HIVEP1: variants seen among roughly 807,000 people sequenced by gnomAD.
The protein encoded by HIVEP1 is HIVEP zinc finger 1.
A neutral mutation model predicts 180.0 loss-of-function variants in HIVEP1; 36 were observed. The observed-to-expected ratio is 0.20, with a 90% CI of 0.15 to 0.26. HIVEP1 has a LOEUF of 0.26. Among genes scored for constraint, HIVEP1 ranks in the 10% least tolerant of loss-of-function variants. The pLI is 1.00. For synonymous variants in HIVEP1, 1,239 were observed against 1,239.0 expected (o/e 1.00, Z 0.00); for missense variants, 3,143 against 3,268.7 (o/e 0.96, Z 0.94).
At chr6:12,170,627 G>A in the HIVEP1 span, among the ~76,000 whole-genome samples, 2 of 152,094 alleles carry the variant, frequency 1.3e-5, no homozygotes, top group Admixed American at 6.6e-5. Context: ...TGAGACCAAG[G>A]GAATAAACCA....
intron 2 of HIVEP1, chr6:12,037,873 G>T (rs987922757): frequency 2.5e-6 from 1 of 403,058 alleles, no homozygotes; most frequent in Middle Eastern, 3.2e-4. Flanking sequence ...AGTGTGCCTA[G>T]CTACTTTTTT....
At chr6:12,016,954 A>G (rs1414804897) in intron 2 of HIVEP1, among the ~76,000 whole-genome samples, 1 of 152,208 alleles carries the variant, frequency 6.6e-6, no homozygotes, top group Non-Finnish European at 1.5e-5. Flanking sequence ...TCTAGTTTGC[A>G]CAAGTGCAGC....
At chr6:12,019,112 A>C (rs1345519530) in intron 2 of HIVEP1, among the ~76,000 whole-genome samples, 1 of 152,216 alleles carries the variant, frequency 6.6e-6, no homozygotes, top group East Asian at 1.9e-4. Flanking sequence ...TAGTAAGCAC[A>C]CTAAAGCCAC....
At chr6:12,071,459 C>A (rs1263467895) in intron 2 of HIVEP1, among the ~76,000 whole-genome samples, 3 of 152,214 alleles carry the variant, frequency 2.0e-5, no homozygotes, top group African/African-American at 7.2e-5. Context: ...TATTGTCTTC[C>A]TTTTCCTATT....
intron 3 of HIVEP1, among the ~76,000 whole-genome samples, chr6:12,114,911 C>T (rs1482511283): frequency 2.6e-5 from 4 of 152,168 alleles, no homozygotes; most frequent in African/African-American, 4.8e-5. Flanking sequence ...ACCTTCTGGC[C>T]GAGCATGATC....
chr6:12,155,940 G>A (rs1760011939), intron 7 of HIVEP1, among the ~76,000 whole-genome samples: 2 of 152,130 alleles, frequency 1.3e-5, no homozygotes, highest in South Asian at 4.1e-4. Context: ...TTTAATAATA[G>A]CCGTTCTGAC....
intron 2 of HIVEP1, among the ~76,000 whole-genome samples, chr6:12,032,388 C>A (rs185384602): frequency 6.6e-6 from 1 of 152,150 alleles, no homozygotes; most frequent in East Asian, 1.9e-4. Context: ...GTGATCCGCC[C>A]GCCTCAGCCT....
chr6:12,172,284 A>G, the HIVEP1 span, among the ~76,000 whole-genome samples: 4 of 151,526 alleles, frequency 2.6e-5, no homozygotes. Context: ...GGTTTATTTC[A>G]GCACACTGAA....
intron 3 of HIVEP1, among the ~76,000 whole-genome samples, chr6:12,118,377 C>T (rs905433179): frequency 3.9e-5 from 6 of 152,232 alleles, no homozygotes; most frequent in Middle Eastern, 3.4e-3. Flanking sequence ...AAGTAGTTGG[C>T]TTTCTACAAA....
intron 7 of HIVEP1, among the ~76,000 whole-genome samples, chr6:12,148,794 T>C (rs965362506): frequency 6.6e-6 from 1 of 152,198 alleles, no homozygotes; most frequent in Non-Finnish European, 1.5e-5. Context: ...CCTTTCATTA[T>C]GTCTTCACAC....
At chr6:12,210,757 T>C in the HIVEP1 span, among the ~76,000 whole-genome samples, 2 of 152,124 alleles carry the variant, frequency 1.3e-5, no homozygotes, top group East Asian at 3.8e-4. Flanking sequence ...GAAACCTCAT[T>C]ATAGATTCAG....
chr6:12,026,180 C>A (rs1768575378), intron 2 of HIVEP1, among the ~76,000 whole-genome samples: 1 of 152,076 alleles, frequency 6.6e-6, no homozygotes, highest in Admixed American at 6.6e-5. Flanking sequence ...CATTGTGTCT[C>A]CAAACACAGG....
chr6:12,115,954 C>G (rs947671258), intron 3 of HIVEP1, among the ~76,000 whole-genome samples: 1 of 151,478 alleles, frequency 6.6e-6, no homozygotes, highest in Non-Finnish European at 1.5e-5. Flanking sequence ...TTTGTGTCCT[C>G]TAATGTATTT....
chr6:12,111,461 C>A (rs947304433), intron 3 of HIVEP1, among the ~76,000 whole-genome samples: 3 of 152,250 alleles, frequency 2.0e-5, no homozygotes, highest in Non-Finnish European at 4.4e-5. Context: ...ATGATGATGT[C>A]AGCAGGTCTG....
At chr6:12,174,561 ATGTTTTGTTTGTTT>A in the HIVEP1 span, among the ~76,000 whole-genome samples, 1 of 152,090 alleles carries the variant, frequency 6.6e-6, no homozygotes, top group Non-Finnish European at 1.5e-5. Flanking sequence ...TCCTGGAAAA[ATGTTTTGTTTGTTT>A]TGTTTTGTAA....
intron 2 of HIVEP1, among the ~76,000 whole-genome samples, chr6:12,085,004 A>C (rs1445387719): frequency 6.6e-6 from 1 of 152,150 alleles, no homozygotes; most frequent in Admixed American, 6.5e-5. Flanking sequence ...TTCTTAAGTG[A>C]AACCACGCAG....
downstream of HIVEP1, among the ~76,000 whole-genome samples, chr6:12,168,376 GTATATATGTA>G (rs1760815687): frequency 8.4e-6 from 1 of 119,546 alleles, no homozygotes; most frequent in African/African-American, 3.0e-5. Flanking sequence ...ACATATACAT[GTATATATGTA>G]TATATATAAT....
At chr6:12,088,412 T>C (rs1773240362) in intron 2 of HIVEP1, among the ~76,000 whole-genome samples, 1 of 152,138 alleles carries the variant, frequency 6.6e-6, no homozygotes, top group Non-Finnish European at 1.5e-5. Context: ...AATCGATTAC[T>C]GCCCATGTCA....
Position 12,123,865 on chromosome 6 carries a change from C to T in HIVEP1, c.4070C>T (p.Pro1357Leu). The T allele has an allele frequency of 6.2e-7, 1 of 1,614,128 alleles. No individual in the cohort carries two copies. The highest frequency in any genetic ancestry group is 8.5e-7 in the Non-Finnish European group (1 of 1,179,998). Residue 1357 changes from proline (P) to leucine (L), a missense_variant, in exon 4 of 9, where the codon CCT becomes CTT. By Grantham distance (98) the Pro-to-Leu change is moderately conservative. This residue lies in a region of HIVEP1 where 1,357 missense variants were observed against 1,260.5 expected (regional missense o/e 1.08). Coordinates refer to ENST00000379388, the MANE Select transcript of HIVEP1 (RefSeq NM_002114.4). ...GCTGGCTTGAATACTCTGAATGTTC[C>T]TGGATGTCACCGGGAAATGAGGCGT... Reference protein sequence around the residue: ...IPAGLNTLNVPGCHREMRRTA... With the variant: ...IPAGLNTLNVLGCHREMRRTA...
Sources: allele counts gnomAD v4.1 joint callset (sites outside exome capture counted in the v4.1 genomes callset), GRCh38; gene constraint gnomAD v4.1.1; regional missense constraint gnomAD v4.1.1; transcripts MANE v1.5; gene names NCBI Gene and HGNC (gene_info 2026-07-23, HGNC 2026-07-21).